The following PRDM2 variants were observed in gnomAD, a reference collection of about 807,000 sequenced individuals.
PRDM2 encodes PR/SET domain 2.
A neutral mutation model predicts 130.0 loss-of-function variants in PRDM2; 30 were observed. The observed-to-expected ratio is 0.23, with a 90% confidence interval of 0.17 to 0.31. The LOEUF is 0.31. Among genes scored for constraint, PRDM2 ranks in the 10% least tolerant of loss-of-function variants. The probability of loss-of-function intolerance (pLI) is 1.00; values close to 1 mark genes in which losing one functional copy is unlikely to be tolerated. For missense variants in PRDM2, 2,011 were observed against 2,108.4 expected (o/e 0.95, Z 0.90); for synonymous variants, 871 against 782.4 (o/e 1.11, Z -1.89).
intron 1 of PRDM2, among the ~76,000 whole-genome samples, chr1:13,707,344 G>T (rs976657873): frequency 6.6e-6 from 1 of 152,152 alleles, no homozygotes; most frequent in Non-Finnish European, 1.5e-5. Flanking sequence ...AATTTTAAAA[G>T]TAACATCTGC....
At chr1:13,715,738 CA>C in intron 2 of PRDM2, 124 bp downstream of exon 2, 1 of 819,980 alleles carries the variant, frequency 1.2e-6, no homozygotes, top group Non-Finnish European at 1.9e-6. Context: ...TTCTTAATAC[CA>C]TTAATTAGTT....
chr1:13,731,331 C>T (rs1021617258), intron 3 of PRDM2, among the ~76,000 whole-genome samples: 1 of 152,118 alleles, frequency 6.6e-6, no homozygotes, highest in African/African-American at 2.4e-5. Context: ...AACAGACACA[C>T]ACACAAACAC....
intron 1 of PRDM2, among the ~76,000 whole-genome samples, chr1:13,708,010 A>G (rs1642259609): frequency 6.6e-6 from 1 of 152,196 alleles, no homozygotes; most frequent in African/African-American, 2.4e-5. Flanking sequence ...AATATGACTT[A>G]GGTGTATAAA....
At chr1:13,713,591 T>C (rs1482738190) in intron 1 of PRDM2, among the ~76,000 whole-genome samples, 1 of 152,242 alleles carries the variant, frequency 6.6e-6, no homozygotes, top group Non-Finnish European at 1.5e-5. Context: ...ATTATAGCTC[T>C]TTCCAAACAT....
rs554565902 is a variant in PRDM2 at position 13,783,782 on chromosome 1, A to T, written c.5036+951A>T. On this transcript the variant is annotated intron_variant, in intron 8 of 9. Coordinates refer to ENST00000311066, the MANE Select transcript of PRDM2 (RefSeq NM_001393986.1). ...CTCATGTGAAAATTACTCATCAGAT[A>T]GCATTTCTGCAAAATACTTTTAAGT... is the stretch of plus-strand genomic sequence containing the variant. 3.9e-5 allele frequency among the ~76,000 whole-genome samples: 6 copies of T among 152,336 alleles called. 1 individual carries two copies. The highest frequency in any genetic ancestry group is 1.4e-4 in the African/African-American group (6 of 41,574).
At chr1:13,768,577 AC>A (rs765146267) in intron 6 of PRDM2, among the ~76,000 whole-genome samples, 71 of 150,008 alleles carry the variant, frequency 4.7e-4, no homozygotes, top group Non-Finnish European at 7.8e-4. Context: ...ATGGGGTTTC[AC>A]CCACCATGTT....
chr1:13,743,447 A>G (rs889987038), intron 5 of PRDM2, among the ~76,000 whole-genome samples: 2 of 150,704 alleles, frequency 1.3e-5, no homozygotes, highest in Non-Finnish European at 3.0e-5. Flanking sequence ...CACATTATAC[A>G]TGGAGATATT....
At chr1:13,772,656 C>T (rs1644384366) in intron 6 of PRDM2, among the ~76,000 whole-genome samples, 1 of 152,188 alleles carries the variant, frequency 6.6e-6, no homozygotes, top group African/African-American at 2.4e-5. Flanking sequence ...AAAAGGGCCC[C>T]AAGTTATAAC....
At chr1:13,704,136 A>G (rs551963556) in intron 1 of PRDM2, among the ~76,000 whole-genome samples, 2 of 152,364 alleles carry the variant, frequency 1.3e-5, no homozygotes, top group African/African-American at 4.8e-5. Context: ...TGATAAATAA[A>G]ACGTGAAAAG....
Position 13,778,879 on chromosome 1 carries a change from T to C in PRDM2, c.1084T>C (p.Cys362Arg). 6.2e-7 allele frequency: 1 copy of C among 1,614,236 alleles called. No individual in the cohort carries two copies. The highest frequency in any genetic ancestry group is 2.2e-5 in the East Asian group (1 of 44,888). The change falls in exon 8 of 10, where the codon TGT becomes CGT. Residue 362 changes from cysteine to arginine, a missense_variant. This residue lies in a region of PRDM2 where 1,288 missense variants were observed against 1,237.7 expected (regional missense o/e 1.04). Transcript: ENST00000311066. Reference protein sequence around the residue: ...GDVFETFMFPCQHCERKFTTK... With the variant: ...GDVFETFMFPRQHCERKFTTK... The stretch of plus-strand genomic sequence containing the variant: ...TGTATTTGAAACGTTTATGTTTCCG[T>C]GTCAACATTGTGAAAGGAAGTTTAC...
chr1:13,786,637 G>A (rs115795012), intron 8 of PRDM2: 32,268 of 1,563,852 alleles, frequency 0.021, 619 homozygotes, highest in South Asian at 0.087. Flanking sequence ...TGCAAGACCA[G>A]TTGAAGCTGA....
intron 6 of PRDM2, among the ~76,000 whole-genome samples, chr1:13,768,013 C>T (rs1569942087): frequency 6.7e-6 from 1 of 149,574 alleles, no homozygotes; most frequent in Admixed American, 6.7e-5. Flanking sequence ...CATATTAAGT[C>T]ATTATTGATA....
At position 13,806,915 on chromosome 1, in the gene PRDM2, G is replaced by T. The variant is rs532453614; in HGVS notation, c.5037-9512G>T. Among the ~76,000 whole-genome samples, 1 of 152,164 alleles carries T rather than the reference G, an allele frequency of 6.6e-6. No individual in the cohort carries two copies. Among genetic ancestry groups the T allele is most frequent in the Admixed American group, 6.5e-5 (1 of 15,284 alleles). Reference sequence around the variant, plus strand: ...ACTTCCTGTCCCCACTTCCTGGAACGCACAAGGCGTAGTATCCGGACCGAT... The same window carrying T: ...ACTTCCTGTCCCCACTTCCTGGAACTCACAAGGCGTAGTATCCGGACCGAT... On this transcript the variant is annotated intron_variant, in intron 8 of 9. Coordinates refer to ENST00000311066, the MANE Select transcript of PRDM2 (RefSeq NM_001393986.1). This position sits in a 1 kb window ranked among gnomAD's most constrained non-coding sequence, Gnocchi z 4.1.
chr1:13,813,262 A>G (rs1268435104), intron 8 of PRDM2, among the ~76,000 whole-genome samples: 1 of 152,206 alleles, frequency 6.6e-6, no homozygotes, highest in African/African-American at 2.4e-5. Flanking sequence ...GGTGGGAACC[A>G]AGAATCATGA....
At chr1:13,716,889 T>C (rs1471433278) in intron 2 of PRDM2, among the ~76,000 whole-genome samples, 1 of 152,148 alleles carries the variant, frequency 6.6e-6, no homozygotes, top group Non-Finnish European at 1.5e-5. Context: ...AGCTTAAAAC[T>C]CTCAGACTTG....
intron 8 of PRDM2, among the ~76,000 whole-genome samples, chr1:13,786,356 C>G (rs561562351): frequency 1.6e-4 from 24 of 152,186 alleles, no homozygotes; most frequent in African/African-American, 5.5e-4. Context: ...CAGGGTGTGT[C>G]TTCTGGGTAG....
At chr1:13,821,536 C>T (rs760471623) in intron 9 of PRDM2, among the ~76,000 whole-genome samples, 1 of 151,814 alleles carries the variant, frequency 6.6e-6, no homozygotes, top group African/African-American at 2.4e-5. Context: ...AATCTCAGGT[C>T]GCTGCAACCT....
chr1:13,786,363 G>C, intron 8 of PRDM2: 1 of 994,314 alleles, frequency 1.0e-6, no homozygotes, highest in Non-Finnish European at 1.5e-6. Context: ...TGTCTTCTGG[G>C]TAGGACGCTC....
intron 1 of PRDM2, among the ~76,000 whole-genome samples, chr1:13,701,384 A>G (rs530418138): frequency 3.9e-5 from 6 of 152,356 alleles, no homozygotes; most frequent in Admixed American, 1.3e-4. Context: ...GAACTCTTCA[A>G]TGATTTCTTT....
Sources: allele counts gnomAD v4.1 joint callset (sites outside exome capture counted in the v4.1 genomes callset), GRCh38; gene constraint gnomAD v4.1.1; regional missense constraint gnomAD v4.1.1; non-coding constraint Gnocchi (gnomAD v3.1); transcripts MANE v1.5; gene names NCBI Gene and HGNC (gene_info 2026-07-23, HGNC 2026-07-21).